The following TXNDC11 variants were observed in gnomAD, a reference collection of about 807,000 sequenced individuals.
TXNDC11 encodes the protein thioredoxin domain containing 11.
A neutral mutation model predicts 78.0 loss-of-function variants in TXNDC11; 68 were observed. The ratio of observed to expected loss-of-function variants is 0.87; its 90% CI spans 0.72 to 1.07. The LOEUF (loss-of-function observed/expected upper bound fraction) is 1.07. Among genes scored for constraint, TXNDC11 ranks in the 50% least tolerant of loss-of-function variants. TXNDC11 has a pLI of 0.00. For missense variants in TXNDC11, 1,389 were observed against 1,221.8 expected, an observed-to-expected ratio of 1.14 and a Z score of -2.04; for synonymous variants, 571 against 495.2, an observed-to-expected ratio of 1.15 and a Z score of -2.03.
At chr16:11,684,800 C>G (rs918469499) in intron 10 of TXNDC11, among the ~76,000 whole-genome samples, 1 of 152,194 alleles carries the variant, frequency 6.6e-6, no homozygotes, top group Non-Finnish European at 1.5e-5. Context: ...GAGGCCTGCC[C>G]CGGGCAGCTG....
In TXNDC11 at chr16:11,687,863, A is replaced by G. The variant is rs1198926303; in HGVS notation, c.2147T>C (p.Val716Ala). Reference sequence around the variant, plus strand: ...GCAGAAGAGGCCTGCTTACCTTGCCACAGTGAATGTGTCCATGGGCAGGTT... The same window carrying G: ...GCAGAAGAGGCCTGCTTACCTTGCCGCAGTGAATGTGTCCATGGGCAGGTT... ...ARNLPMDTFTVARIDVSQNDL... is the reference protein window; with the variant it reads ...ARNLPMDTFTAARIDVSQNDL... Residue 716 changes from valine to alanine, a missense_variant, in exon 10 of 12, where the codon GTG (valine) becomes GCG (alanine). Physicochemically the swap from Val to Ala is moderately conservative, Grantham distance 64 (BLOSUM62 0). Transcript: ENST00000283033. 1 of 1,611,466 alleles carries G rather than the reference A, an allele frequency of 6.2e-7. No individual in the cohort carries two copies. The highest frequency in any genetic ancestry group is 8.5e-7 in the Non-Finnish European group (1 of 1,177,820).
rs748809839 is a variant in TXNDC11, at chr16:11,691,710, T to C, written c.1480A>G (p.Asn494Asp). Residue 494 changes from asparagine to aspartate, a missense_variant, in exon 8 of 12, where the codon AAT becomes GAT. Asn to Asp is a conservative substitution (Grantham distance 23). Coordinates refer to ENST00000283033, the MANE Select transcript of TXNDC11 (RefSeq NM_015914.7). ...HVASDSIECS[N>D]FLTSYSPFSY... ...AAGGGGCTATAGGAAGTTAAAAAAT[T>C]GCTGCATTCTATGCTGTCTGATGCC... 6.2e-7 allele frequency: 1 copy of C among 1,614,226 alleles called. No homozygotes were observed. Among genetic ancestry groups the C allele is most frequent in the South Asian group, 1.1e-5 (1 of 91,088 alleles).
At chr16:11,706,826 GACA>G (rs2051194578) in intron 5 of TXNDC11, among the ~76,000 whole-genome samples, 1 of 152,158 alleles carries the variant, frequency 6.6e-6, no homozygotes, top group Admixed American at 6.5e-5. Context: ...TTTGGTTTTG[GACA>G]ACGTTTTAAT....
rs146941215 is a variant in TXNDC11 at position 11,693,200 on chromosome 16, A to G, written c.1108-1118T>C. On this transcript the variant is annotated intron_variant, in intron 7 of 11. Transcript: ENST00000283033. ...AATGAGTGGCAGCTCAGGGTAATGC[A>G]CACAATCCTCTGTCTTGGTGAGATT... Among the ~76,000 whole-genome samples, 1,172 of 152,298 alleles carry G rather than the reference A, an allele frequency of 7.7e-3. 13 individuals carry two copies. The highest frequency in any genetic ancestry group is 0.014 in the Non-Finnish European group (936 of 68,024).
At chr16:11,709,727 G>A (rs890282981) in intron 5 of TXNDC11, among the ~76,000 whole-genome samples, 8 of 151,852 alleles carry the variant, frequency 5.3e-5, no homozygotes, top group African/African-American at 7.3e-5. Context: ...GAGCCACCGC[G>A]CCTGGCAGCT....
chr16:11,700,774 T>C (rs374744768), intron 5 of TXNDC11, among the ~76,000 whole-genome samples: 1 of 152,300 alleles, frequency 6.6e-6, no homozygotes, highest in East Asian at 1.9e-4. Flanking sequence ...TGAGAGGATG[T>C]CTCTGACTAA....
intron 7 of TXNDC11, 30 bp from the exon 8 acceptor site, chr16:11,692,112 C>T: frequency 6.7e-7 from 1 of 1,502,786 alleles, no homozygotes; most frequent in South Asian, 1.4e-5. Flanking sequence ...TGGTGAAGGG[C>T]TTGGGGATGA....
chr16:11,728,334 A>G (rs1198481738), intron 4 of TXNDC11, among the ~76,000 whole-genome samples: 1 of 152,206 alleles, frequency 6.6e-6, no homozygotes, highest in Non-Finnish European at 1.5e-5. Context: ...TTAATAAAGT[A>G]CTATCTATCT....
intron 4 of TXNDC11, 36 bp downstream of exon 4, chr16:11,730,609 C>A: frequency 6.2e-7 from 1 of 1,605,124 alleles, no homozygotes; most frequent in South Asian, 1.1e-5. Flanking sequence ...CGTGAAAGGC[C>A]TTGAGTATGG....
chr16:11,679,928 T>A lies in TXNDC11; in HGVS notation c.2235-91A>T. On this transcript the variant is annotated intron_variant, in intron 11 of 11. Coordinates refer to ENST00000283033, the MANE Select transcript of TXNDC11 (RefSeq NM_015914.7). The surrounding 1 kb of genome is among the most constrained non-coding windows in gnomAD (Gnocchi z 4.6). Reference sequence around the variant, plus strand: ...TGTACCTGAGGCCAGGCCATCTACTTCTCACCAAGAAAAGACGTTCCGTGG... The same window carrying A: ...TGTACCTGAGGCCAGGCCATCTACTACTCACCAAGAAAAGACGTTCCGTGG... The A allele has an allele frequency of 8.8e-7, 1 of 1,134,654 alleles. No individual in the cohort carries two copies. The highest frequency in any genetic ancestry group is 1.3e-6 in the Non-Finnish European group (1 of 791,800). 70.3% of individuals were successfully genotyped at this position (1,134,654 alleles called of 1,614,324 possible).
At chr16:11,690,432 A>G (rs2050678861) in intron 8 of TXNDC11, among the ~76,000 whole-genome samples, 1 of 152,234 alleles carries the variant, frequency 6.6e-6, no homozygotes, top group African/African-American at 2.4e-5. Flanking sequence ...CCCAGGTCCC[A>G]GCAATATTAC....
At chr16:11,739,535 G>T (rs2052331432) in intron 1 of TXNDC11, among the ~76,000 whole-genome samples, 1 of 152,162 alleles carries the variant, frequency 6.6e-6, no homozygotes, top group African/African-American at 2.4e-5. Context: ...TAGAAAAAAG[G>T]CCTGTTGAAA....
intron 5 of TXNDC11, among the ~76,000 whole-genome samples, chr16:11,710,592 G>A (rs147676881): frequency 0.01 from 1,577 of 152,338 alleles, 28 homozygotes; most frequent in African/African-American, 0.036. Flanking sequence ...GCTCATGCCT[G>A]TAATCCCAGC....
At chr16:11,731,285 C>G (rs887770212) in intron 3 of TXNDC11, among the ~76,000 whole-genome samples, 1 of 152,280 alleles carries the variant, frequency 6.6e-6, no homozygotes, top group South Asian at 2.1e-4. Context: ...GAACCTTAAA[C>G]CTATTTGAAG....
intron 5 of TXNDC11, among the ~76,000 whole-genome samples, chr16:11,703,402 T>G (rs191240393): frequency 4.4e-4 from 67 of 152,238 alleles, no homozygotes; most frequent in Admixed American, 1.5e-3. Flanking sequence ...CAGCCAGGAC[T>G]CTCACTGTTG....
intron 5 of TXNDC11, among the ~76,000 whole-genome samples, chr16:11,717,152 G>T (rs550702043): frequency 6.6e-6 from 1 of 151,134 alleles, no homozygotes; most frequent in African/African-American, 2.4e-5. Context: ...AAGGCCAGGC[G>T]CAGTGGCTTA....
rs746704650 is a variant in TXNDC11 at position 11,679,390 on chromosome 16, G to A, written c.2682C>T (p.Leu894=). 3 of 1,611,464 alleles carry A rather than the reference G, an allele frequency of 1.9e-6. No homozygotes were observed. The highest frequency in any genetic ancestry group is 2.2e-5 in the South Asian group (2 of 90,946). Residue 894 remains leucine (L), a synonymous_variant, in exon 12 of 12, where the codon CTC becomes CTT. Transcript: ENST00000283033. This position sits in a 1 kb window ranked among gnomAD's most constrained non-coding sequence, Gnocchi z 4.6. ...TCTCCATGGTCGCCACCAGGATCTT[G>A]AGCCACGTGTTCTCGGTAAGGAGGT... ...SENLLTENTW[L]KILVATMERK... is the part of the protein sequence containing the mutation.
At chr16:11,733,845 T>G in intron 3 of TXNDC11, 137 bp downstream of exon 3, 2 of 636,838 alleles carry the variant, frequency 3.1e-6, no homozygotes, top group Non-Finnish European at 5.3e-6. Flanking sequence ...GATCTTTCTT[T>G]TTTAATTTTT....
At chr16:11,697,767 G>A (rs2050897374) in intron 7 of TXNDC11, among the ~76,000 whole-genome samples, 3 of 152,158 alleles carry the variant, frequency 2.0e-5, no homozygotes, top group Admixed American at 1.3e-4. Flanking sequence ...AACTCGGCCT[G>A]TGTTCCTGCC....
Sources: gnomAD v4.1 joint callset for allele counts (sites outside exome capture counted in the v4.1 genomes callset) on GRCh38, gnomAD v4.1.1 for gene constraint, Gnocchi (gnomAD v3.1) non-coding constraint, MANE v1.5 for transcripts, NCBI Gene and HGNC (gene_info 2026-07-23, HGNC 2026-07-21) for gene names.